FAM241A: variants seen among roughly 807,000 people sequenced by gnomAD.
FAM241A encodes the protein family with sequence similarity 241 member A, also known as uncharacterized protein FAM241A.
In FAM241A, 7 loss-of-function variants were observed where a neutral mutation model predicts 12.2. The observed-to-expected ratio is 0.58, with a 90% CI of 0.33 to 1.08. The LOEUF (loss-of-function observed/expected upper bound fraction) is 1.08, where lower values mean the gene tolerates loss of function less well. Among genes scored for constraint, FAM241A ranks in the 50% least tolerant of loss-of-function variants. FAM241A has a pLI of 0.04. For synonymous variants in FAM241A, 74 were observed against 68.2 expected (o/e 1.08, Z -0.42); for missense variants, 161 against 169.7 (o/e 0.95, Z 0.29).
At chr4:112,182,264 A>G (rs1351391381) in intron 1 of FAM241A, among the ~76,000 whole-genome samples, 1 of 152,182 alleles carries the variant, frequency 6.6e-6, no homozygotes, top group Non-Finnish European at 1.5e-5. Flanking sequence ...TTTAAATTTT[A>G]TTGTAAACAA....
chr4:112,181,096 G>C (rs982462129), intron 1 of FAM241A, among the ~76,000 whole-genome samples: 5 of 152,218 alleles, frequency 3.3e-5, no homozygotes, highest in Admixed American at 2.6e-4. Flanking sequence ...ACTAGCTCTA[G>C]TAAAGAGAAA....
At chr4:112,154,470 G>A (rs945662612) in intron 1 of FAM241A, among the ~76,000 whole-genome samples, 3 of 151,954 alleles carry the variant, frequency 2.0e-5, no homozygotes, top group Admixed American at 2.0e-4. Flanking sequence ...GTTTTGCCGT[G>A]TTGCCCAGGC....
intron 1 of FAM241A, among the ~76,000 whole-genome samples, chr4:112,178,455 A>C (rs1723866530): frequency 6.6e-6 from 1 of 152,154 alleles, no homozygotes; most frequent in African/African-American, 2.4e-5. Context: ...AACACCATTA[A>C]ATAGGGAGTC....
intron 1 of FAM241A, among the ~76,000 whole-genome samples, chr4:112,155,346 T>G (rs66469761): frequency 0.57 from 86,032 of 151,836 alleles, 25,984 homozygotes; most frequent in East Asian, 0.82. Flanking sequence ...GGTATTTTTC[T>G]GTTTATAATC....
intron 1 of FAM241A, among the ~76,000 whole-genome samples, chr4:112,152,519 CTG>C (rs1325260211): frequency 3.9e-5 from 6 of 152,312 alleles, no homozygotes; most frequent in Admixed American, 3.9e-4. Flanking sequence ...AAACTTTTCT[CTG>C]TGTCTCTTCT....
intron 1 of FAM241A, among the ~76,000 whole-genome samples, chr4:112,165,299 G>A (rs1189681486): frequency 1.3e-5 from 2 of 152,148 alleles, no homozygotes; most frequent in Non-Finnish European, 2.9e-5. Flanking sequence ...TCATACTGTT[G>A]GTGGGAATGT....
chr4:112,168,151 C>T (rs1413076742), intron 1 of FAM241A, among the ~76,000 whole-genome samples: 1 of 152,206 alleles, frequency 6.6e-6, no homozygotes. Flanking sequence ...AAAGTTAAAA[C>T]AACTAATATA....
At chr4:112,145,995 G>A (rs1723129328) in intron 1 of FAM241A, among the ~76,000 whole-genome samples, 1 of 152,142 alleles carries the variant, frequency 6.6e-6, no homozygotes, top group Admixed American at 6.5e-5. Flanking sequence ...TCGTCCCCTG[G>A]CGTCCGGCAG....
chr4:112,193,267 G>A lies in FAM241A; in HGVS notation c.*6329G>A, dbSNP rs1429117798. On this transcript the variant is annotated 3_prime_UTR_variant, in exon 2 of 2. Transcript: ENST00000309733. ...TATTAGCCCTTTGTCAGATGAGTAGGTTGCGAAAATTTTCTGCCATTTTGT... is the reference window on the plus strand; with the variant it reads ...TATTAGCCCTTTGTCAGATGAGTAGATTGCGAAAATTTTCTGCCATTTTGT... 1 of 151,994 alleles carries A rather than the reference G, an allele frequency of 6.6e-6. No homozygotes were observed. The highest frequency in any genetic ancestry group is 1.5e-5 in the Non-Finnish European group (1 of 68,032). The allele number at this position is 151,994 out of a possible 1,614,324, so 9.4% of individuals were successfully genotyped here. A position where few individuals can be genotyped will look rare whatever the true frequency, so the allele number is the denominator to read the frequency against.
rs1723117624 is a variant in FAM241A, at chr4:112,145,609, G to T, written c.29G>T (p.Gly10Val). 1.6e-6 allele frequency: 2 copies of T among 1,236,650 alleles called. No individual in the cohort carries two copies. The highest frequency in any genetic ancestry group is 3.1e-5 in the East Asian group (1 of 31,836). 76.6% of individuals were successfully genotyped at this position (1,236,650 alleles called of 1,614,324 possible). MCSAGELLR[G>V]GDGGERDEDG... Reference sequence around the variant, plus strand: ...TGCTCAGCCGGGGAGCTGCTGCGGGGCGGCGACGGCGGGGAACGCGACGAG... The same window carrying T: ...TGCTCAGCCGGGGAGCTGCTGCGGGTCGGCGACGGCGGGGAACGCGACGAG... Residue 10 changes from glycine to valine, a missense_variant, in exon 1 of 2, where the codon GGC (glycine) becomes GTC (valine). Gly to Val is a moderately radical substitution (Grantham distance 109). Coordinates refer to ENST00000309733, the MANE Select transcript of FAM241A (RefSeq NM_152400.3).
At chr4:112,148,577 A>G (rs566796897) in intron 1 of FAM241A, among the ~76,000 whole-genome samples, 2 of 152,338 alleles carry the variant, frequency 1.3e-5, no homozygotes, top group South Asian at 4.1e-4. Flanking sequence ...GAATGAATCA[A>G]GTCCTGTAGA....
intron 1 of FAM241A, among the ~76,000 whole-genome samples, chr4:112,177,632 A>T (rs1723849313): frequency 6.6e-6 from 1 of 152,154 alleles, no homozygotes; most frequent in Non-Finnish European, 1.5e-5. Flanking sequence ...GTTACATAGG[A>T]GGCACTTGGG....
chr4:112,188,639 G>C lies in FAM241A; in HGVS notation c.*1701G>C, dbSNP rs1460058728. Reference sequence around the variant, plus strand: ...TATTAGTGCACAATAGAATTGTGAGGTTTTCAATAGATGTCATGAGATTTT... The same window carrying C: ...TATTAGTGCACAATAGAATTGTGAGCTTTTCAATAGATGTCATGAGATTTT... On this transcript the variant is annotated 3_prime_UTR_variant, in exon 2 of 2. Coordinates refer to ENST00000309733, the MANE Select transcript of FAM241A (RefSeq NM_152400.3). 6.6e-6 allele frequency: 1 copy of C among 152,046 alleles called. No homozygotes were observed. Among genetic ancestry groups the C allele is most frequent in the Admixed American group, 6.5e-5 (1 of 15,278 alleles). 9.4% of individuals were successfully genotyped at this position (152,046 alleles called of 1,614,324 possible). A position where few individuals can be genotyped will look rare whatever the true frequency, so the allele number is the denominator to read the frequency against.
chr4:112,186,345 C>T (rs1418670222), intron 1 of FAM241A, among the ~76,000 whole-genome samples: 1 of 152,182 alleles, frequency 6.6e-6, no homozygotes, highest in Non-Finnish European at 1.5e-5. Flanking sequence ...CTTTGGTCAT[C>T]TGAGGCTCGG....
Position 112,187,107 on chromosome 4 carries a change from C to A in FAM241A, c.*169C>A. 1 of 686,184 alleles carries A rather than the reference C, an allele frequency of 1.5e-6. No homozygotes were observed. Among genetic ancestry groups the A allele is most frequent in the Non-Finnish European group, 2.5e-6 (1 of 406,112 alleles). 42.5% of individuals were successfully genotyped at this position (686,184 alleles called of 1,614,324 possible). ...TGTCACTTAAAACTAAACTCTTGAT[C>A]ATAACAGGGTTGAATATATATTTTG... On this transcript the variant is annotated 3_prime_UTR_variant, in exon 2 of 2. Coordinates refer to ENST00000309733, the MANE Select transcript of FAM241A (RefSeq NM_152400.3).
chr4:112,167,120 A>T (rs1398951688), intron 1 of FAM241A, among the ~76,000 whole-genome samples: 2 of 150,170 alleles, frequency 1.3e-5, no homozygotes, highest in Non-Finnish European at 2.9e-5. Context: ...TCTCAAAAAA[A>T]AAAAAAATAA....
intron 1 of FAM241A, among the ~76,000 whole-genome samples, chr4:112,150,828 A>G (rs1723232470): frequency 6.6e-6 from 1 of 152,232 alleles, no homozygotes. Flanking sequence ...ACAACTTCAT[A>G]GGATTATTGG....
At chr4:112,175,714 G>A (rs1248979022) in intron 1 of FAM241A, among the ~76,000 whole-genome samples, 1 of 151,884 alleles carries the variant, frequency 6.6e-6, no homozygotes, top group Non-Finnish European at 1.5e-5. Context: ...GTTGCAGTGA[G>A]CCGAGATCAT....
In FAM241A at chr4:112,145,475, G is replaced by T. The variant is rs1056044818; in HGVS notation, c.-106G>T. 7.2e-6 allele frequency: 8 copies of T among 1,109,446 alleles called. No individual in the cohort carries two copies. Among genetic ancestry groups the T allele is most frequent in the Middle Eastern group, 3.6e-4 (1 of 2,808 alleles). The allele number at this position is 1,109,446 out of a possible 1,614,324, so 68.7% of individuals were successfully genotyped here. A position where few individuals can be genotyped will look rare whatever the true frequency, so the allele number is the denominator to read the frequency against. On this transcript the variant is annotated 5_prime_UTR_variant, in exon 1 of 2. Coordinates refer to ENST00000309733, the MANE Select transcript of FAM241A (RefSeq NM_152400.3). Reference sequence around the variant, plus strand: ...GCGCGCTCCGGCGGCTCCTGTCAGCGGCGGGTGCGGCGGATCCCAGGGCAG... The same window carrying T: ...GCGCGCTCCGGCGGCTCCTGTCAGCTGCGGGTGCGGCGGATCCCAGGGCAG...
Sources: gnomAD v4.1 joint callset for allele counts (sites outside exome capture counted in the v4.1 genomes callset) on GRCh38, gnomAD v4.1.1 for gene constraint, MANE v1.5 for transcripts, NCBI Gene and HGNC (gene_info 2026-07-23, HGNC 2026-07-21) for gene names.